PTPRG: variants seen among roughly 807,000 people sequenced by gnomAD.
PTPRG encodes the protein receptor-type tyrosine-protein phosphatase gamma.
Under a neutral mutation model 165.3 loss-of-function variants are expected in PTPRG, and 102 were observed. The ratio of observed to expected loss-of-function variants is 0.62; its 90% CI spans 0.53 to 0.73. The LOEUF (loss-of-function observed/expected upper bound fraction) is 0.73, where lower values mean the gene tolerates loss of function less well. Ranked by LOEUF, PTPRG falls within the 30% of genes least tolerant of loss-of-function variation. The pLI, the probability that PTPRG is intolerant of heterozygous loss-of-function variation, is 0.00. For synonymous variants in PTPRG, 675 were observed against 669.5 expected, an observed-to-expected ratio of 1.01 and a Z score of -0.13; for missense variants, 1,866 against 1,861.4, an observed-to-expected ratio of 1.00 and a Z score of -0.05.
intron 4 of PTPRG, among the ~76,000 whole-genome samples, chr3:62,013,301 T>A (rs1482444207): frequency 6.6e-6 from 1 of 152,214 alleles, no homozygotes; most frequent in African/African-American, 2.4e-5. Flanking sequence ...CTTGCAAAAC[T>A]TTTTGATTCC....
intron 2 of PTPRG, among the ~76,000 whole-genome samples, chr3:61,805,300 G>T (rs550283245): frequency 6.6e-6 from 1 of 152,184 alleles, no homozygotes; most frequent in South Asian, 2.1e-4. Context: ...GCACTGGACT[G>T]TCCCCACAAA....
At position 61,680,511 on chromosome 3, in the gene PTPRG, A is replaced by C. The variant is rs554461121; in HGVS notation, c.86-68367A>C. Among the ~76,000 whole-genome samples the C allele has an allele frequency of 3.1e-4, 46 of 147,098 alleles. 1 individual carries two copies. The highest frequency in any genetic ancestry group is 1.1e-3 in the African/African-American group (46 of 40,526). On this transcript the variant is annotated intron_variant, in intron 1 of 29. Coordinates refer to ENST00000474889, the MANE Select transcript of PTPRG (RefSeq NM_002841.4). ...ATTATTCAGCTTTATGAAAAAAAAA[A>C]AAAAAAACACAAAAAAACAGCATGG...
At chr3:62,032,159 A>T (rs1699791470) in intron 4 of PTPRG, among the ~76,000 whole-genome samples, 1 of 152,228 alleles carries the variant, frequency 6.6e-6, no homozygotes. Flanking sequence ...ATGGGCCTGC[A>T]GAGAACACAG....
intron 5 of PTPRG, among the ~76,000 whole-genome samples, chr3:62,119,787 ATTTTTTTT>A (rs34842750): frequency 7.2e-5 from 8 of 111,720 alleles, no homozygotes; most frequent in South Asian, 3.2e-4. Flanking sequence ...CGCCTGGCTA[ATTTTTTTT>A]TTTTTTTTTT....
intron 5 of PTPRG, among the ~76,000 whole-genome samples, chr3:62,101,623 C>T (rs1359745241): frequency 6.6e-6 from 1 of 152,212 alleles, no homozygotes; most frequent in Non-Finnish European, 1.5e-5. Flanking sequence ...TTGATGCTAA[C>T]TAGGAGCACT....
intron 16 of PTPRG, among the ~76,000 whole-genome samples, chr3:62,257,426 C>T (rs1701563576): frequency 6.6e-6 from 1 of 152,026 alleles, no homozygotes; most frequent in Admixed American, 6.6e-5. Flanking sequence ...ATTTCCAGAC[C>T]CATTTACCTG....
At chr3:61,885,820 A>G (rs2038020909) in intron 2 of PTPRG, among the ~76,000 whole-genome samples, 1 of 148,006 alleles carries the variant, frequency 6.8e-6, no homozygotes, top group Non-Finnish European at 1.5e-5. Flanking sequence ...AACTGGGACT[A>G]TAGGCATGTG....
At chr3:62,112,260 A>C (rs1340323824) in intron 5 of PTPRG, among the ~76,000 whole-genome samples, 1 of 152,042 alleles carries the variant, frequency 6.6e-6, no homozygotes, top group African/African-American at 2.4e-5. Flanking sequence ...ACGCACCACC[A>C]TGCGCAGCTA....
At chr3:62,020,582 C>T (rs78775848) in intron 4 of PTPRG, among the ~76,000 whole-genome samples, 4,394 of 152,192 alleles carry the variant, frequency 0.029, 77 homozygotes, top group Non-Finnish European at 0.046. Context: ...AAACTTATTT[C>T]CACTTAATAG....
intron 2 of PTPRG, among the ~76,000 whole-genome samples, chr3:61,982,191 G>A (rs901554644): frequency 9.9e-5 from 15 of 152,136 alleles, no homozygotes; most frequent in African/African-American, 1.4e-4. Context: ...GGTCTGGAAC[G>A]AACTCATCTC....
At chr3:61,840,856 T>C (rs2036612076) in intron 2 of PTPRG, among the ~76,000 whole-genome samples, 1 of 148,074 alleles carries the variant, frequency 6.8e-6, no homozygotes, top group Non-Finnish European at 1.5e-5. Context: ...AGATCTCTGC[T>C]CACTGCAACC....
intron 5 of PTPRG, chr3:62,118,181 TA>T (rs1244187125): frequency 1.3e-5 from 2 of 152,238 alleles, no homozygotes; most frequent in Non-Finnish European, 2.9e-5. Flanking sequence ...ACTTTTTCTA[TA>T]AAGGGCCAAA....
intron 7 of PTPRG, among the ~76,000 whole-genome samples, chr3:62,160,468 A>T (rs2106709044): frequency 6.6e-6 from 1 of 152,378 alleles, no homozygotes; most frequent in African/African-American, 2.4e-5. Flanking sequence ...TTCTGAAAAT[A>T]TCAGGCCAAA....
At chr3:62,235,429 TAAAAG>T (rs1354071245) in intron 14 of PTPRG, among the ~76,000 whole-genome samples, 1 of 152,176 alleles carries the variant, frequency 6.6e-6, no homozygotes, top group African/African-American at 2.4e-5. Flanking sequence ...CCAGCTAAAA[TAAAAG>T]AACTGTCACG....
intron 2 of PTPRG, among the ~76,000 whole-genome samples, chr3:61,907,206 C>G (rs1432186395): frequency 6.6e-6 from 1 of 151,910 alleles, no homozygotes; most frequent in Non-Finnish European, 1.5e-5. Flanking sequence ...TAACTACTGG[C>G]CTGGTTCTTA....
chr3:62,098,635 C>T (rs1280754864), intron 5 of PTPRG, among the ~76,000 whole-genome samples: 1 of 152,162 alleles, frequency 6.6e-6, no homozygotes, highest in Non-Finnish European at 1.5e-5. Flanking sequence ...GGAACTGGCA[C>T]CCAGACCCTG....
At chr3:62,120,472 C>T (rs778426511) in intron 5 of PTPRG, among the ~76,000 whole-genome samples, 6 of 71,538 alleles carry the variant, frequency 8.4e-5, no homozygotes, top group Non-Finnish European at 1.8e-4. Context: ...GATTGAAGGC[C>T]AGGTGCAGTG....
chr3:62,287,434 TTATGAAATGAAGA>T (rs1702707020), intron 28 of PTPRG, among the ~76,000 whole-genome samples: 1 of 152,116 alleles, frequency 6.6e-6, no homozygotes, highest in South Asian at 2.1e-4. Flanking sequence ...AAGGAAGATT[TTATGAAATGAAGA>T]ACATTTATTA....
At chr3:61,888,669 T>C (rs2038124045) in intron 2 of PTPRG, among the ~76,000 whole-genome samples, 1 of 152,228 alleles carries the variant, frequency 6.6e-6, no homozygotes, top group African/African-American at 2.4e-5. Flanking sequence ...AGTATAGTTA[T>C]CTGAATTGAG....
Sources: allele counts gnomAD v4.1 joint callset (sites outside exome capture counted in the v4.1 genomes callset), GRCh38; gene constraint gnomAD v4.1.1; transcripts MANE v1.5; gene names NCBI Gene and HGNC (gene_info 2026-07-23, HGNC 2026-07-21).